Variants in EPRS1 observed in about 807,000 individuals in gnomAD.
EPRS1 encodes bifunctional glutamate/proline--tRNA ligase.
EPRS1 carries 107 observed loss-of-function variants against 188.3 expected under a neutral mutation model. The ratio of observed to expected loss-of-function variants is 0.57; its 90% CI spans 0.49 to 0.67. The LOEUF (loss-of-function observed/expected upper bound fraction) is 0.67, where lower values mean the gene tolerates loss of function less well. EPRS1 is among the 30% of genes least tolerant of loss of function. The probability of loss-of-function intolerance (pLI) is 0.00; values close to 1 mark genes in which losing one functional copy is unlikely to be tolerated. For missense variants in EPRS1, 1,577 were observed against 1,802.2 expected (o/e 0.88, Z 2.26); for synonymous variants, 596 against 593.1 (o/e 1.00, Z -0.07).
chr1:219,997,093 T>A lies in EPRS1; in HGVS notation c.2431A>T (p.Asn811Tyr). The A allele has an allele frequency of 1.2e-6, 2 of 1,614,082 alleles. No individual in the cohort carries two copies. The highest frequency in any genetic ancestry group is 2.2e-5 in the South Asian group (2 of 91,080). Residue 811 changes from asparagine to tyrosine, a missense_variant, in exon 18 of 32, where the codon AAT (asparagine) becomes TAT (tyrosine). Transcript: ENST00000366923. The stretch of plus-strand genomic sequence containing the variant: ...CTTGCTGAGGAATTAGAAGAAATAT[T>A]CTGTCCTATTTCAGCAGGAGGGTTT... ...PGNPPAEIGQ[N>Y]ISSNSSASIL...
At chr1:220,036,712 A>G (rs894241007) in intron 2 of EPRS1, among the ~76,000 whole-genome samples, 7 of 152,132 alleles carry the variant, frequency 4.6e-5, no homozygotes, top group African/African-American at 1.4e-4. Context: ...AGAAGAGCAG[A>G]AGAAATAACT....
At chr1:219,978,960 ATATAT>A (rs1439262850) in intron 27 of EPRS1, among the ~76,000 whole-genome samples, 1 of 61,436 alleles carries the variant, frequency 1.6e-5, no homozygotes, top group African/African-American at 4.5e-5. Flanking sequence ...ATATATATAT[ATATAT>A]TTTTTTTTCC....
chr1:219,981,507 T>C (rs1305795739), intron 23 of EPRS1, 50 bp from the exon 24 acceptor site: 3 of 1,170,562 alleles, frequency 2.6e-6, no homozygotes, highest in Non-Finnish European at 3.7e-6. Flanking sequence ...TTATTTCTCC[T>C]TTAGGGATGT....
intron 6 of EPRS1, among the ~76,000 whole-genome samples, chr1:220,027,135 C>A (rs2102593264): frequency 6.8e-6 from 1 of 147,950 alleles, no homozygotes; most frequent in Admixed American, 6.8e-5. Context: ...ACTAAAAATA[C>A]AAAAATTGGC....
intron 1 of EPRS1, among the ~76,000 whole-genome samples, chr1:220,045,875 T>G (rs1040373386): frequency 1.1e-4 from 16 of 152,084 alleles, no homozygotes; most frequent in Admixed American, 5.2e-4. Flanking sequence ...TTGACTCAAG[T>G]GAACTGAGGA....
intron 17 of EPRS1, among the ~76,000 whole-genome samples, chr1:220,000,743 G>A (rs114707845): frequency 0.019 from 2,954 of 152,270 alleles, 43 homozygotes; most frequent in Non-Finnish European, 0.031. Flanking sequence ...CACTCTGGGA[G>A]GCCGAGGTGG....
chr1:219,992,343 T>C (rs527698505), intron 18 of EPRS1, among the ~76,000 whole-genome samples: 46 of 152,320 alleles, frequency 3.0e-4, no homozygotes, highest in African/African-American at 1.1e-3. Context: ...CCCCTCCACA[T>C]AGACTGGGTA....
Position 220,033,597 on chromosome 1 carries a change from G to T in EPRS1, c.293C>A (p.Thr98Lys). 1 of 1,608,384 alleles carries T rather than the reference G, an allele frequency of 6.2e-7. No homozygotes were observed. Among genetic ancestry groups the T allele is most frequent in the Non-Finnish European group, 8.5e-7 (1 of 1,175,050 alleles). Reference sequence around the variant, plus strand: ...CAGGCAATGATTGAGTTCATTAATTGTAGAAGTAAAGGAATCACATGAAGA... The same window carrying T: ...CAGGCAATGATTGAGTTCATTAATTTTAGAAGTAAAGGAATCACATGAAGA... ...KLSSCDSFTS[T>K]INELNHCLSL... is the part of the protein sequence containing the mutation. Residue 98 changes from threonine to lysine, a missense_variant, in exon 4 of 32, where the codon ACA becomes AAA. Thr to Lys is a moderately conservative substitution (Grantham distance 78, BLOSUM62 -1). This residue lies in a region of EPRS1 where 1,278 missense variants were observed against 1,457.4 expected (regional missense o/e 0.88). Transcript: ENST00000366923.
intron 20 of EPRS1, among the ~76,000 whole-genome samples, chr1:219,985,862 A>C (rs1346270854): frequency 3.9e-5 from 6 of 152,318 alleles, no homozygotes; most frequent in Non-Finnish European, 8.8e-5. Context: ...GTTTAAAAAC[A>C]AGGTTTTACT....
Position 220,046,443 on chromosome 1 carries a change from G to A in EPRS1, c.-55C>T, listed in dbSNP as rs1662404851. 1.9e-6 allele frequency: 3 copies of A among 1,608,214 alleles called. No homozygotes were observed. Among genetic ancestry groups the A allele is most frequent in the Non-Finnish European group, 2.5e-6 (3 of 1,177,838 alleles). ...TACGCCTGGCTCGTGCCAGAACTAC[G>A]GAGGACCCCGCGAAAGGAAGAAGAT... On this transcript the variant is annotated 5_prime_UTR_variant, in exon 1 of 32. Coordinates refer to ENST00000366923, the MANE Select transcript of EPRS1 (RefSeq NM_004446.3).
intron 30 of EPRS1, among the ~76,000 whole-genome samples, chr1:219,969,422 T>A (rs529660317): frequency 2.0e-5 from 3 of 152,174 alleles, no homozygotes; most frequent in Non-Finnish European, 2.9e-5. Context: ...TGAAAAGAAG[T>A]TGAACTCCAG....
At chr1:220,033,418 T>G in intron 4 of EPRS1, 84 bp downstream of exon 4, 1 of 953,382 alleles carries the variant, frequency 1.0e-6, no homozygotes. Context: ...TATACATACA[T>G]GCATACACAC....
intron 26 of EPRS1, 147 bp from the exon 27 acceptor site, chr1:219,979,762 T>A (rs767940550): frequency 1.2e-4 from 76 of 639,480 alleles, no homozygotes; most frequent in Non-Finnish European, 1.4e-4. Flanking sequence ...ATTATAAGCA[T>A]AATTACCATA....
chr1:220,028,285 C>T (rs977061689), intron 6 of EPRS1, among the ~76,000 whole-genome samples: 2 of 152,064 alleles, frequency 1.3e-5, no homozygotes, highest in African/African-American at 4.8e-5. Context: ...CTTTAAAATA[C>T]AGAAATTAAT....
intron 13 of EPRS1, 55 bp from the exon 14 acceptor site, chr1:220,007,393 G>A (rs1571679223): frequency 3.2e-6 from 5 of 1,549,790 alleles, no homozygotes; most frequent in East Asian, 4.5e-5. Flanking sequence ...ATTGAACCCA[G>A]TATGCAAATT....
In EPRS1 at chr1:220,019,995, C is replaced by T. The variant is rs1316847918; in HGVS notation, c.1342G>A (p.Asp448Asn). The change falls in exon 10 of 32, where the codon GAT becomes AAT. Residue 448 changes from aspartate (D) to asparagine (N), a missense_variant. Around this residue, in one of 3 missense-constraint regions of EPRS1, gnomAD observed 1,278 missense variants for 1,457.4 expected, o/e 0.88. Transcript: ENST00000366923. ...AAGTAACATTAAACATACCATCCAT[C>T]TACTAGTCCTTCATTGACAAACCAT... is the stretch of plus-strand genomic sequence containing the variant. ...LTWFVNEGLV[D>N]GWDDPRFPTV... The T allele has an allele frequency of 6.2e-6, 10 of 1,602,268 alleles. No homozygotes were observed. Among genetic ancestry groups the T allele is most frequent in the Non-Finnish European group, 7.7e-6 (9 of 1,169,344 alleles).
chr1:219,969,157 A>G lies in EPRS1; in HGVS notation c.4324-35T>C, dbSNP rs778231867. The G allele has an allele frequency of 4.4e-6, 6 of 1,365,906 alleles. No homozygotes were observed. In the East Asian group the frequency reaches 1.4e-4, roughly 31 times the overall value. The allele number at this position is 1,365,906 out of a possible 1,614,324, so 84.6% of individuals were successfully genotyped here. A position where few individuals can be genotyped will look rare whatever the true frequency, so the allele number is the denominator to read the frequency against. On this transcript the variant is annotated intron_variant, in intron 30 of 31. Coordinates refer to ENST00000366923, the MANE Select transcript of EPRS1 (RefSeq NM_004446.3). ...AAAAGGAAAAGTAATCAGTATTTAT[A>G]ACTCCTTCAATTCTATTCTGCAGAA...
chr1:219,994,049 G>A (rs1397574933), intron 18 of EPRS1, among the ~76,000 whole-genome samples: 2 of 152,098 alleles, frequency 1.3e-5, no homozygotes. Context: ...AAAAATATAC[G>A]GAGTACAGCA....
At chr1:220,022,874 T>G (rs1013967490) in intron 8 of EPRS1, among the ~76,000 whole-genome samples, 13 of 152,190 alleles carry the variant, frequency 8.5e-5, no homozygotes, top group Non-Finnish European at 1.6e-4. Flanking sequence ...TCTCTTCTCA[T>G]CTCCCTGAAA....
Sources: gnomAD v4.1 joint callset for allele counts (sites outside exome capture counted in the v4.1 genomes callset) on GRCh38, gnomAD v4.1.1 for gene constraint, gnomAD v4.1.1 regional missense constraint, MANE v1.5 for transcripts, NCBI Gene and HGNC (gene_info 2026-07-23, HGNC 2026-07-21) for gene names.